CCDC149: variants seen among roughly 807,000 people sequenced by gnomAD.
CCDC149 encodes coiled-coil domain-containing protein 149.
Under a neutral mutation model 59.9 loss-of-function variants are expected in CCDC149, and 45 were observed. The observed-to-expected ratio is 0.75, with a 90% CI of 0.59 to 0.96. The LOEUF is 0.96. CCDC149 is among the 40% of genes least tolerant of loss of function. The pLI is 0.00. For synonymous variants in CCDC149, 245 were observed against 260.6 expected (o/e 0.94, Z 0.58); for missense variants, 584 against 664.7 (o/e 0.88, Z 1.33).
At chr4:24,898,379 T>C (rs577546955) in intron 1 of CCDC149, among the ~76,000 whole-genome samples, 3 of 152,212 alleles carry the variant, frequency 2.0e-5, no homozygotes, top group South Asian at 2.1e-4. Context: ...GGTAGCTACA[T>C]ATTTCTGGAG....
chr4:24,874,221 G>C (rs1326758370), intron 2 of CCDC149, among the ~76,000 whole-genome samples: 1 of 141,538 alleles, frequency 7.1e-6, no homozygotes, highest in Non-Finnish European at 1.5e-5. Flanking sequence ...AAGACATTGA[G>C]AACTTCTAGT....
At chr4:24,975,900 G>C (rs1285842780) in intron 1 of CCDC149, among the ~76,000 whole-genome samples, 1 of 151,920 alleles carries the variant, frequency 6.6e-6, no homozygotes, top group African/African-American at 2.4e-5. Flanking sequence ...GTCCTGGGAA[G>C]GGCAAAGTCT....
chr4:24,967,622 G>A (rs115683222), intron 1 of CCDC149, among the ~76,000 whole-genome samples: 2,247 of 150,496 alleles, frequency 0.015, 63 homozygotes, highest in African/African-American at 0.052. Flanking sequence ...GTTGCTGCAG[G>A]GCTATGTGCA....
chr4:24,871,967 T>C (rs1719071691), intron 3 of CCDC149, among the ~76,000 whole-genome samples: 1 of 152,212 alleles, frequency 6.6e-6, no homozygotes, highest in Non-Finnish European at 1.5e-5. Context: ...CAATAGGATT[T>C]GTGTGAGAAG....
chr4:24,841,420 G>T (rs1716929284), intron 4 of CCDC149, among the ~76,000 whole-genome samples: 2 of 152,192 alleles, frequency 1.3e-5, no homozygotes, highest in South Asian at 4.1e-4. Flanking sequence ...TATATTGGAT[G>T]CCTGTTAAGC....
chr4:24,895,678 C>T (rs1254926028), intron 1 of CCDC149, among the ~76,000 whole-genome samples: 1 of 152,116 alleles, frequency 6.6e-6, no homozygotes, highest in Non-Finnish European at 1.5e-5. Flanking sequence ...AAATTCTTTA[C>T]AATGGGCATG....
Position 24,808,583 on chromosome 4 carries a change from T to C in CCDC149, c.1429A>G (p.Arg477Gly), listed in dbSNP as rs367730089. 8 of 1,551,938 alleles carry C rather than the reference T, an allele frequency of 5.2e-6. No individual in the cohort carries two copies. In the African/African-American group the frequency reaches 6.8e-5, roughly 13 times the overall value. ...TGACCTTCTATGGGACTCTCTCTTC[T>C]GACCTCTTCCAGTTCTGCAGCTGCC... The change falls in exon 13 of 13, where the codon AGA (arginine) becomes GGA (glycine). Residue 477 changes from arginine to glycine, a missense_variant. Arg to Gly is a moderately radical substitution (Grantham distance 125). Coordinates refer to ENST00000635206, the MANE Select transcript of CCDC149 (RefSeq NM_001330643.2).
chr4:24,900,326 A>T (rs1280730795), intron 1 of CCDC149, among the ~76,000 whole-genome samples: 6 of 152,140 alleles, frequency 3.9e-5, no homozygotes. Flanking sequence ...CAGCCAACCC[A>T]CTACAATGGT....
intron 1 of CCDC149, among the ~76,000 whole-genome samples, chr4:24,879,333 G>T (rs1719679542): frequency 6.6e-6 from 1 of 151,866 alleles, no homozygotes; most frequent in South Asian, 2.1e-4. Flanking sequence ...GCCTGGACAA[G>T]ATGGCAAAAC....
chr4:24,832,762 A>G (rs1275356509), intron 8 of CCDC149, among the ~76,000 whole-genome samples: 1 of 152,216 alleles, frequency 6.6e-6, no homozygotes, highest in Non-Finnish European at 1.5e-5. Context: ...CCCAAATTCC[A>G]TACTTCTGCA....
intron 8 of CCDC149, among the ~76,000 whole-genome samples, chr4:24,834,383 T>C (rs138104893): frequency 5.9e-5 from 9 of 152,284 alleles, no homozygotes; most frequent in East Asian, 1.9e-4. Context: ...TTATTTTTCA[T>C]TGGAATCGAC....
intron 1 of CCDC149, among the ~76,000 whole-genome samples, chr4:24,955,809 G>T (rs1723448247): frequency 6.6e-6 from 1 of 152,094 alleles, no homozygotes; most frequent in African/African-American, 2.4e-5. Context: ...GGTGGCAATG[G>T]TATTAAAAAA....
In CCDC149 at chr4:24,807,569, G is replaced by A. The variant is rs1244968165; in HGVS notation, c.*820C>T. The A allele has an allele frequency of 2.6e-5, 4 of 152,166 alleles. No homozygotes were observed. The East Asian group carries it at 7.7e-4, about 29-fold the overall frequency. 9.4% of individuals were successfully genotyped at this position (152,166 alleles called of 1,614,324 possible). On this transcript the variant is annotated 3_prime_UTR_variant, in exon 13 of 13. Transcript: ENST00000635206. ...ATCCTGTATGTGAGACAGGCTGAAT[G>A]CAGAGAATGAGCATTTCCAGGTGGT...
chr4:24,882,250 T>A (rs1056765644), intron 1 of CCDC149, among the ~76,000 whole-genome samples: 1 of 152,224 alleles, frequency 6.6e-6, no homozygotes, highest in African/African-American at 2.4e-5. Flanking sequence ...CTCCTCTTTA[T>A]GAGGGAGCCA....
intron 1 of CCDC149, among the ~76,000 whole-genome samples, chr4:24,973,346 G>A (rs1577515256): frequency 6.6e-6 from 1 of 152,164 alleles, no homozygotes; most frequent in East Asian, 1.9e-4. Flanking sequence ...ATTTTATGGA[G>A]TCTGACTCTT....
upstream of CCDC149, among the ~76,000 whole-genome samples, chr4:24,917,894 T>A (rs947199467): frequency 8.5e-5 from 13 of 152,122 alleles, no homozygotes; most frequent in African/African-American, 3.1e-4. Context: ...GCAGGGCCCG[T>A]GCTGCTGACG....
At chr4:24,820,416 TGAGA>T (rs1209014476) in intron 11 of CCDC149, among the ~76,000 whole-genome samples, 1 of 152,050 alleles carries the variant, frequency 6.6e-6, no homozygotes. Flanking sequence ...TGTTGGTAAA[TGAGA>T]GAGAGTTGGC....
intron 1 of CCDC149, among the ~76,000 whole-genome samples, chr4:24,967,219 T>TCA (rs1723828662): frequency 1.3e-5 from 2 of 152,112 alleles, no homozygotes; most frequent in African/African-American, 4.8e-5. Flanking sequence ...ATCACCAGCC[T>TCA]CAGGTCCTGC....
chr4:24,900,965 A>G (rs1721130060), intron 1 of CCDC149, among the ~76,000 whole-genome samples: 1 of 152,216 alleles, frequency 6.6e-6, no homozygotes, highest in Non-Finnish European at 1.5e-5. Context: ...GGTCAGCATG[A>G]AGAGGCTCGA....
Sources: gnomAD v4.1 joint callset for allele counts (sites outside exome capture counted in the v4.1 genomes callset) on GRCh38, gnomAD v4.1.1 for gene constraint, MANE v1.5 for transcripts, NCBI Gene and HGNC (gene_info 2026-07-23, HGNC 2026-07-21) for gene names.